KIF12: variants seen among roughly 807,000 people sequenced by gnomAD.
The protein encoded by KIF12 is kinesin family member 12, also known as kinesin-like protein KIF12.
A neutral mutation model predicts 87.9 loss-of-function variants in KIF12; 80 were observed. The ratio of observed to expected loss-of-function variants is 0.91; its 90% CI spans 0.76 to 1.10. The LOEUF is 1.10. KIF12 is among the 50% of genes least tolerant of loss of function. KIF12 has a pLI of 0.00. For missense variants in KIF12, 819 were observed against 865.3 expected (o/e 0.95, Z 0.67); for synonymous variants, 353 against 348.5 (o/e 1.01, Z -0.14).
Position 114,096,194 on chromosome 9 carries a change from G to C in KIF12, c.752C>G (p.Pro251Arg), listed in dbSNP as rs1312157125. 2.5e-6 allele frequency: 4 copies of C among 1,613,908 alleles called. No homozygotes were observed. The highest frequency in any genetic ancestry group is 3.4e-6 in the Non-Finnish European group (4 of 1,179,976). ...AGGGGGCTCCCCAGGGTCCACAGAA[G>C]GCATCTGCTGGGCCTGAGGGATCAG... ...YISRQTAQQM[P>R]SVDPGEPPVG... Residue 251 changes from proline (P) to arginine (R), a missense_variant, in exon 9 of 19, where the codon CCT becomes CGT. By Grantham distance (103) the Pro-to-Arg change is moderately radical. Coordinates refer to ENST00000640217, the MANE Select transcript of KIF12 (RefSeq NM_001388308.1).
chr9:114,094,117 C>T, intron 13 of KIF12, 64 bp downstream of exon 13: 1 of 1,538,214 alleles, frequency 6.5e-7, no homozygotes, highest in Non-Finnish European at 9.0e-7. Flanking sequence ...AGGCAGTTTG[C>T]CAGAAGCAGC....
At position 114,093,909 on chromosome 9, in the gene KIF12, GGCC is replaced by G. The variant is rs1485060215; in HGVS notation, c.1374_1376del (p.Ala459del). 3.1e-6 allele frequency: 5 copies of G among 1,613,986 alleles called. No individual in the cohort carries two copies. Among genetic ancestry groups the G allele is most frequent in the Non-Finnish European group, 4.2e-6 (5 of 1,180,012 alleles). ...ACCTCTCTAGTGCATGGACCTGCTG[GGCC>G]AGGATGCGCTGCTCATTCTGGGCCA... On this transcript the variant is annotated inframe_deletion, in exon 14 of 19. Coordinates refer to ENST00000640217, the MANE Select transcript of KIF12 (RefSeq NM_001388308.1).
chr9:114,098,157 C>T lies in KIF12; in HGVS notation c.333G>A (p.Thr111=), dbSNP rs755352292. The change falls in exon 5 of 19, where the codon ACG becomes ACA. Residue 111 remains threonine, a synonymous_variant. Coordinates refer to ENST00000640217, the MANE Select transcript of KIF12 (RefSeq NM_001388308.1). Reference sequence around the variant, plus strand: ...TCAGGGTGTAGGTCTTCCCAGAGCCCGTCTGGCCAAAGGTGAAAACAGTGC... The same window carrying T: ...TCAGGGTGTAGGTCTTCCCAGAGCCTGTCTGGCCAAAGGTGAAAACAGTGC... The part of the protein sequence containing the change: ...FSCTVFTFGQ[T]GSGKTYTLTG... The T allele has an allele frequency of 6.5e-7, 1 of 1,548,418 alleles. No homozygotes were observed. Among genetic ancestry groups the T allele is most frequent in the African/African-American group, 1.4e-5 (1 of 72,942 alleles).
intron 3 of KIF12, 143 bp from the exon 4 acceptor site, chr9:114,098,572 A>AG (rs1847344885): frequency 5.6e-6 from 1 of 178,306 alleles, no homozygotes; most frequent in Non-Finnish European, 8.9e-6. Context: ...GGAGAAGGGT[A>AG]GGGCGCTCGG....
intron 9 of KIF12, 124 bp from the exon 10 acceptor site, chr9:114,095,456 G>C: frequency 9.7e-7 from 1 of 1,026,838 alleles, no homozygotes; most frequent in Non-Finnish European, 1.4e-6. Context: ...CTTTCCACAT[G>C]ATCTCATGAC....
chr9:114,093,492 A>G lies in KIF12; in HGVS notation c.1406T>C (p.Leu469Pro). The change falls in exon 15 of 19, where the codon CTC becomes CCC. Residue 469 changes from leucine (L) to proline (P), a missense_variant. Coordinates refer to ENST00000640217, the MANE Select transcript of KIF12 (RefSeq NM_001388308.1). ...CTGGTGATGGTAGCAGGCAGAGAGG[A>G]GACGCCTAGAAAGAACAGCAGGGTC... ...AQQVHALERR[L>P]LSACYHHQQG... The G allele has an allele frequency of 6.4e-7, 1 of 1,556,446 alleles. No homozygotes were observed. The highest frequency in any genetic ancestry group is 2.4e-5 in the East Asian group (1 of 41,624).
chr9:114,092,120 C>T, intron 18 of KIF12, 120 bp from the exon 19 acceptor site: 2 of 1,427,472 alleles, frequency 1.4e-6, no homozygotes, highest in Non-Finnish European at 1.8e-6. Flanking sequence ...CCCTTCCCCC[C>T]ACCCCACCCC....
chr9:114,097,571 T>G (rs768614788), intron 6 of KIF12, 36 bp downstream of exon 6: 4 of 1,612,390 alleles, frequency 2.5e-6, no homozygotes, highest in Non-Finnish European at 3.4e-6. Flanking sequence ...CTCCGTTTCC[T>G]CATGGGCTGT....
Position 114,096,317 on chromosome 9 carries a change from T to C in KIF12, c.738+70A>G. On this transcript the variant is annotated intron_variant, in intron 8 of 18. Coordinates refer to ENST00000640217, the MANE Select transcript of KIF12 (RefSeq NM_001388308.1). ...TAACCCCCATGCACACCCAAGTTGG[T>C]TTATATGTCCAGATACAGACCCTTG... is the stretch of plus-strand genomic sequence containing the variant. 2.6e-5 allele frequency: 42 copies of C among 1,596,174 alleles called. No homozygotes were observed. The Middle Eastern group carries it at 6.6e-4, about 25-fold the overall frequency.
Position 114,097,598 on chromosome 9 carries a change from T to C in KIF12, c.510+9A>G, listed in dbSNP as rs754874819. On this transcript the variant is annotated intron_variant, in intron 6 of 18. Transcript: ENST00000640217. ...ATGGGCTGTCTTTCTATTCCTCTCA[T>C]TCCCTTACCTGCTCATTGTAGATCT... The C allele has an allele frequency of 1.9e-6, 3 of 1,613,890 alleles. No homozygotes were observed. The highest frequency in any genetic ancestry group is 2.5e-6 in the Non-Finnish European group (3 of 1,179,924).
In KIF12 at chr9:114,093,883, T is replaced by C; in HGVS notation, c.1400+3A>G. On this transcript the variant is annotated splice_donor_region_variant and intron_variant, in intron 14 of 18. Coordinates refer to ENST00000640217, the MANE Select transcript of KIF12 (RefSeq NM_001388308.1). ...CTGGCTCCAAGCTGGTGGCTCTGCTTACCTCTCTAGTGCATGGACCTGCTG... is the reference window on the plus strand; with the variant it reads ...CTGGCTCCAAGCTGGTGGCTCTGCTCACCTCTCTAGTGCATGGACCTGCTG... 2 of 1,613,508 alleles carry C rather than the reference T, an allele frequency of 1.2e-6. No homozygotes were observed. The highest frequency in any genetic ancestry group is 1.7e-6 in the Non-Finnish European group (2 of 1,179,490).
Position 114,098,326 on chromosome 9 carries a change from C to A in KIF12, c.275G>T (p.Arg92Leu), listed in dbSNP as rs1217183484. 1 of 1,470,252 alleles carries A rather than the reference C, an allele frequency of 6.8e-7. No individual in the cohort carries two copies. The highest frequency in any genetic ancestry group is 9.0e-7 in the Non-Finnish European group (1 of 1,116,262). The allele number at this position is 1,470,252 out of a possible 1,614,324, so 91.1% of individuals were successfully genotyped here. A position where few individuals can be genotyped will look rare whatever the true frequency, so the allele number is the denominator to read the frequency against. ...CCCGCGCAGCGCCAGCTCCCCCAGGCGCCGCACGCCGCACGCCCGGAACAC... is the reference window on the plus strand; with the variant it reads ...CCCGCGCAGCGCCAGCTCCCCCAGGAGCCGCACGCCGCACGCCCGGAACAC... Reference protein sequence around the residue: ...EDVFRACGVRRLGELALRGFS... With the variant: ...EDVFRACGVRLLGELALRGFS... The change falls in exon 4 of 19, where the codon CGC becomes CTC. Residue 92 changes from arginine (R) to leucine (L), a missense_variant. By Grantham distance (102) the Arg-to-Leu change is moderately radical. Transcript: ENST00000640217.
Position 114,092,332 on chromosome 9 carries a change from CCT to C in KIF12, c.1815_1816del (p.Gly606TrpfsTer33). ...GGCCCCTCCCTCTCTCCCTTCTTCA[CCT>C]CTGAGCCCTGGTGATGTCTTCGGGG... is the stretch of plus-strand genomic sequence containing the variant. On this transcript the variant is annotated frameshift_variant and splice_region_variant, in exon 18 of 19. Coordinates refer to ENST00000640217, the MANE Select transcript of KIF12 (RefSeq NM_001388308.1). LOFTEE classifies it low-confidence loss of function (END_TRUNC). The C allele has an allele frequency of 6.4e-7, 1 of 1,573,900 alleles. No individual in the cohort carries two copies. Among genetic ancestry groups the C allele is most frequent in the African/African-American group, 1.4e-5 (1 of 73,088 alleles).
intron 3 of KIF12, 134 bp from the exon 4 acceptor site, chr9:114,098,563 GAGA>G (rs1479659452): frequency 2.0e-5 from 12 of 611,900 alleles, no homozygotes; most frequent in Non-Finnish European, 3.1e-5. Flanking sequence ...GGGCACCCTG[GAGA>G]AGGGTAGGGC....
Position 114,094,528 on chromosome 9 carries a change from G to A in KIF12, c.1120-73C>T, listed in dbSNP as rs1017567142. 19 of 870,172 alleles carry A rather than the reference G, an allele frequency of 2.2e-5. No homozygotes were observed. In the African/African-American group the frequency reaches 2.7e-4, roughly 12 times the overall value. The allele number at this position is 870,172 out of a possible 1,614,324, so 53.9% of individuals were successfully genotyped here. On this transcript the variant is annotated intron_variant, in intron 11 of 18. Transcript: ENST00000640217. ...GCACTGCACAAGAACTTCCGGGTGT[G>A]GGAAGTAACTGGGGCCTAAAATCCA...
At position 114,091,772 on chromosome 9, in the gene KIF12, C is replaced by T. The variant is rs1212354377; in HGVS notation, c.*89G>A. 4 of 1,344,312 alleles carry T rather than the reference C, an allele frequency of 3.0e-6. No individual in the cohort carries two copies. The highest frequency in any genetic ancestry group is 4.0e-6 in the Non-Finnish European group (4 of 1,001,578). 83.3% of individuals were successfully genotyped at this position (1,344,312 alleles called of 1,614,324 possible). On this transcript the variant is annotated 3_prime_UTR_variant, in exon 19 of 19. Coordinates refer to ENST00000640217, the MANE Select transcript of KIF12 (RefSeq NM_001388308.1). Reference sequence around the variant, plus strand: ...CTGCAGGTGGAGTAGCAGCTGCTGTCTCCATTCAGCAGATGGGCAGACTGA... The same window carrying T: ...CTGCAGGTGGAGTAGCAGCTGCTGTTTCCATTCAGCAGATGGGCAGACTGA...
rs1400791353 is a variant in KIF12 at position 114,098,981 on chromosome 9, C to T, written c.125G>A (p.Arg42Gln). 2.6e-6 allele frequency: 4 copies of T among 1,550,116 alleles called. No homozygotes were observed. The highest frequency in any genetic ancestry group is 4.9e-5 in the East Asian group (2 of 40,890). The change falls in exon 3 of 19, where the codon CGA becomes CAA. Residue 42 changes from arginine (R) to glutamine (Q), a missense_variant. By Grantham distance (43) the Arg-to-Gln change is conservative. Coordinates refer to ENST00000640217, the MANE Select transcript of KIF12 (RefSeq NM_001388308.1). ...VRPMSAAELR[R>Q]GQQSVLHCSG... ...GCAGTGCAGCACGCTCTGCTGCCCTCGACGCAGCTCGGCCGCGCTCATGGG... is the reference window on the plus strand; with the variant it reads ...GCAGTGCAGCACGCTCTGCTGCCCTTGACGCAGCTCGGCCGCGCTCATGGG...
rs754366205 is a variant in KIF12, at chr9:114,099,263, C to T, written c.14G>A (p.Gly5Glu). Residue 5 changes from glycine to glutamate, a missense_variant, in exon 1 of 19, where the codon GGG (glycine) becomes GAG (glutamate). Transcript: ENST00000640217. MEERGSPDGDLARSL... is the reference protein window; with the variant it reads MEERESPDGDLARSL... ...AAGATCTGCTTACCCGTCGGGTGAC[C>T]CGCGTTCTTCCATGTCCTGCTCTGC... The T allele has an allele frequency of 7.1e-6, 11 of 1,551,072 alleles. No individual in the cohort carries two copies. In the South Asian group the frequency reaches 1.1e-4, roughly 15 times the overall value.
chr9:114,095,942 T>C, intron 9 of KIF12, 109 bp downstream of exon 9: 1 of 1,280,816 alleles, frequency 7.8e-7, no homozygotes, highest in Non-Finnish European at 1.1e-6. Context: ...CGCAGCTCTT[T>C]AACCCTCTTC....
Sources: allele counts gnomAD v4.1 joint callset, GRCh38; gene constraint gnomAD v4.1.1; transcripts MANE v1.5; gene names NCBI Gene and HGNC (gene_info 2026-07-23, HGNC 2026-07-21).